ENOX1: variants seen among roughly 807,000 people sequenced by gnomAD.
The protein encoded by ENOX1 is ecto-NOX disulfide-thiol exchanger 1.
Under a neutral mutation model 82.5 loss-of-function variants are expected in ENOX1, and 42 were observed. The ratio of observed to expected loss-of-function variants is 0.51; its 90% CI spans 0.40 to 0.66. ENOX1 has a LOEUF of 0.66. Among genes scored for constraint, ENOX1 ranks in the 30% least tolerant of loss-of-function variants. The pLI is 0.00. For missense variants in ENOX1, 608 were observed against 811.6 expected, an observed-to-expected ratio of 0.75 and a Z score of 3.05; for synonymous variants, 271 against 282.2, an observed-to-expected ratio of 0.96 and a Z score of 0.40.
intron 11 of ENOX1, among the ~76,000 whole-genome samples, chr13:43,299,128 T>C (rs1272286466): frequency 6.6e-6 from 1 of 152,152 alleles, no homozygotes; most frequent in African/African-American, 2.4e-5. Flanking sequence ...ATTAAAACTC[T>C]TTTCCTCTAC....
chr13:43,603,454 G>A (rs893085355), intron 2 of ENOX1, among the ~76,000 whole-genome samples: 2 of 151,456 alleles, frequency 1.3e-5, no homozygotes, highest in Non-Finnish European at 2.9e-5. Context: ...AGTTACATAT[G>A]TATAGATGTG....
At chr13:43,385,666 TAAG>T (rs2052364354) in intron 5 of ENOX1, among the ~76,000 whole-genome samples, 1 of 152,120 alleles carries the variant, frequency 6.6e-6, no homozygotes, top group Admixed American at 6.5e-5. Flanking sequence ...TCTTCACTGG[TAAG>T]AAAAAATGAT....
intron 2 of ENOX1, among the ~76,000 whole-genome samples, chr13:43,611,036 A>G (rs1269062697): frequency 6.6e-6 from 1 of 152,174 alleles, no homozygotes; most frequent in Non-Finnish European, 1.5e-5. Flanking sequence ...AACATTCAAT[A>G]AAGATAGTTC....
At chr13:43,271,926 T>C (rs1295731783) in intron 12 of ENOX1, among the ~76,000 whole-genome samples, 1 of 152,154 alleles carries the variant, frequency 6.6e-6, no homozygotes, top group Non-Finnish European at 1.5e-5. Context: ...ATGTTTCTTA[T>C]TGTTTGCTAT....
intron 1 of ENOX1, among the ~76,000 whole-genome samples, chr13:43,701,317 A>T (rs1053908753): frequency 6.6e-6 from 1 of 152,114 alleles, no homozygotes; most frequent in Non-Finnish European, 1.5e-5. Flanking sequence ...TAGTTTTTTA[A>T]CTAATCTCCT....
At chr13:43,716,788 C>CAAAAA (rs33980324) in intron 1 of ENOX1, among the ~76,000 whole-genome samples, 1 of 147,822 alleles carries the variant, frequency 6.8e-6, no homozygotes, top group Non-Finnish European at 1.5e-5. Context: ...ACAATACCCA[C>CAAAAA]AAAAAAAAAA....
chr13:43,591,989 G>A (rs1201338241), intron 2 of ENOX1, among the ~76,000 whole-genome samples: 7 of 151,806 alleles, frequency 4.6e-5, no homozygotes, highest in African/African-American at 1.7e-4. Context: ...CACAATGGGG[G>A]TGACTGGAGG....
chr13:43,435,159 T>C (rs902804707), intron 3 of ENOX1, among the ~76,000 whole-genome samples: 10 of 151,972 alleles, frequency 6.6e-5, no homozygotes, highest in Non-Finnish European at 1.0e-4. Context: ...ATTCTAAAAC[T>C]GGAAACTGAT....
chr13:43,505,015 C>G (rs781470057), intron 2 of ENOX1, among the ~76,000 whole-genome samples: 12 of 151,630 alleles, frequency 7.9e-5, no homozygotes, highest in Non-Finnish European at 1.6e-4. Flanking sequence ...ACTCTGACTT[C>G]AAAAGTCAGG....
In ENOX1 at chr13:43,623,799, G is replaced by T. The variant is rs532391223; in HGVS notation, c.-219+43680C>A. ...TGTTGAACACTATTCTATGATATGT[G>T]TATATCATAATTTGTTTAACCATTT... On this transcript the variant is annotated intron_variant, in intron 2 of 16. Coordinates refer to ENST00000690772, the MANE Select transcript of ENOX1 (RefSeq NM_001347969.2). Among the ~76,000 whole-genome samples, 108 of 152,268 alleles carry T rather than the reference G, an allele frequency of 7.1e-4. 1 individual carries two copies. The highest frequency in any genetic ancestry group is 2.5e-3 in the African/African-American group (104 of 41,556).
intron 2 of ENOX1, among the ~76,000 whole-genome samples, chr13:43,491,890 T>A (rs2076631504): frequency 6.6e-6 from 1 of 152,222 alleles, no homozygotes; most frequent in Non-Finnish European, 1.5e-5. Context: ...ACCTAAGTTA[T>A]TCACCAGAAA....
At chr13:43,412,152 T>A (rs2054173575) in intron 4 of ENOX1, 99 bp from the exon 5 acceptor site, 3 of 1,351,846 alleles carry the variant, frequency 2.2e-6, no homozygotes, top group Admixed American at 2.2e-5. Context: ...ATTTAGCACA[T>A]TCCCAAACTA....
At chr13:43,649,857 C>T (rs907918592) in intron 2 of ENOX1, among the ~76,000 whole-genome samples, 1 of 152,174 alleles carries the variant, frequency 6.6e-6, no homozygotes, top group Non-Finnish European at 1.5e-5. Context: ...CCTCTGAGCT[C>T]CAAGCATGGA....
chr13:43,740,053 A>G (rs925265506), intron 1 of ENOX1, among the ~76,000 whole-genome samples: 2 of 150,334 alleles, frequency 1.3e-5, no homozygotes, highest in Admixed American at 6.6e-5. Context: ...GCAGCTTTTC[A>G]ACTGTGCAAG....
At chr13:43,242,695 A>G (rs148471676) in intron 14 of ENOX1, among the ~76,000 whole-genome samples, 2 of 152,330 alleles carry the variant, frequency 1.3e-5, no homozygotes, top group East Asian at 1.9e-4. Context: ...GGTAGGGCCA[A>G]TCATCTTTGA....
At chr13:43,629,710 A>G (rs1317142075) in intron 2 of ENOX1, among the ~76,000 whole-genome samples, 2 of 152,214 alleles carry the variant, frequency 1.3e-5, no homozygotes, top group Non-Finnish European at 2.9e-5. Context: ...ACTGGTTTAC[A>G]CCACTGGTTT....
intron 14 of ENOX1, among the ~76,000 whole-genome samples, chr13:43,242,883 C>A (rs2042904520): frequency 6.6e-6 from 1 of 152,172 alleles, no homozygotes; most frequent in Non-Finnish European, 1.5e-5. Context: ...AGCCTGTAAT[C>A]CCAGCACTTT....
chr13:43,410,605 CAT>C (rs1219241395), intron 5 of ENOX1, among the ~76,000 whole-genome samples: 1 of 139,242 alleles, frequency 7.2e-6, no homozygotes, highest in African/African-American at 2.7e-5. Flanking sequence ...TGTGTATACA[CAT>C]ATACACATAC....
At chr13:43,246,701 C>T (rs1167277505) in intron 14 of ENOX1, among the ~76,000 whole-genome samples, 1 of 152,108 alleles carries the variant, frequency 6.6e-6, no homozygotes, top group East Asian at 1.9e-4. Context: ...AGGCCAAGGT[C>T]AGAGGAGCAC....
Sources: allele counts gnomAD v4.1 joint callset (sites outside exome capture counted in the v4.1 genomes callset), GRCh38; gene constraint gnomAD v4.1.1; transcripts MANE v1.5; gene names NCBI Gene and HGNC (gene_info 2026-07-23, HGNC 2026-07-21).